Variants in CHST11 observed in about 807,000 individuals in gnomAD.
CHST11 encodes the protein C4S-1.
A neutral mutation model predicts 30.4 loss-of-function variants in CHST11; 9 were observed. The observed-to-expected ratio is 0.30, with a 90% confidence interval of 0.18 to 0.52. The LOEUF is 0.52. Among genes scored for constraint, CHST11 ranks in the 20% least tolerant of loss-of-function variants. The pLI, the probability that CHST11 is intolerant of heterozygous loss-of-function variation, is 0.97. For synonymous variants in CHST11, 152 were observed against 187.8 expected, an observed-to-expected ratio of 0.81 and a Z score of 1.56; for missense variants, 348 against 460.6, an observed-to-expected ratio of 0.76 and a Z score of 2.24.
At chr12:104,637,289 G>T (rs1431697985) in intron 2 of CHST11, among the ~76,000 whole-genome samples, 1 of 115,270 alleles carries the variant, frequency 8.7e-6, no homozygotes, top group Non-Finnish European at 1.7e-5. Flanking sequence ...TGGGCCATGG[G>T]AGTGAGACCC....
intron 2 of CHST11, among the ~76,000 whole-genome samples, chr12:104,653,810 G>A (rs1371500158): frequency 2.0e-5 from 3 of 152,196 alleles, no homozygotes; most frequent in African/African-American, 7.2e-5. Context: ...CATGTAGCAG[G>A]TAGTGGCAGA....
In CHST11 at chr12:104,710,454, T is replaced by A. The variant is rs76603871; in HGVS notation, c.205-46495T>A. Among the ~76,000 whole-genome samples, 690 of 152,140 alleles carry A rather than the reference T, an allele frequency of 4.5e-3. 7 individuals are homozygous for A. The highest frequency in any genetic ancestry group is 0.016 in the African/African-American group (646 of 41,482). Reference sequence around the variant, plus strand: ...AATAAGGCTTCATTCCCGCTTGCGGTTCCCAACTCATTCCTCAGCTCCTCT... The same window carrying A: ...AATAAGGCTTCATTCCCGCTTGCGGATCCCAACTCATTCCTCAGCTCCTCT... On this transcript the variant is annotated intron_variant, in intron 2 of 2. Coordinates refer to ENST00000303694, the MANE Select transcript of CHST11 (RefSeq NM_018413.6).
At chr12:104,492,623 T>C (rs530326267) in intron 1 of CHST11, among the ~76,000 whole-genome samples, 60 of 152,322 alleles carry the variant, frequency 3.9e-4, no homozygotes, top group African/African-American at 1.4e-3. Context: ...AAGAATAGGA[T>C]CCCTTTTTAA....
Position 104,514,435 on chromosome 12 carries a change from T to C in CHST11, c.118+56906T>C, listed in dbSNP as rs12314344. ...GTTGCCTTCCTCATCCTCTTCACCATGTGAGACTCTGTGGGGGTCACCTGC... is the reference window on the plus strand; with the variant it reads ...GTTGCCTTCCTCATCCTCTTCACCACGTGAGACTCTGTGGGGGTCACCTGC... On this transcript the variant is annotated intron_variant, in intron 1 of 2. Transcript: ENST00000303694. The C allele has an allele frequency of 7.4e-3, 6,561 of 882,276 alleles. 291 individuals are homozygous for C. In the African/African-American group the frequency reaches 0.096, roughly 13 times the overall value. 54.7% of individuals were successfully genotyped at this position (882,276 alleles called of 1,614,324 possible).
intron 2 of CHST11, among the ~76,000 whole-genome samples, chr12:104,725,496 T>A (rs2040209930): frequency 6.6e-6 from 1 of 152,024 alleles, no homozygotes; most frequent in Non-Finnish European, 1.5e-5. Flanking sequence ...GTGTACATGA[T>A]ACCTCAATAA....
At chr12:104,514,575 G>T in intron 1 of CHST11, 1 of 419,554 alleles carries the variant, frequency 2.4e-6, no homozygotes, top group Non-Finnish European at 4.4e-6. Flanking sequence ...TCACGGTTCT[G>T]CAGGCTGTAC....
At position 104,760,536 on chromosome 12, in the gene CHST11, G is replaced by A. The variant is rs561788025; in HGVS notation, c.*2733G>A. On this transcript the variant is annotated 3_prime_UTR_variant, in exon 3 of 3. Transcript: ENST00000303694. ...TGATGAGTGCTTCTTCAGTTTCATA[G>A]TTTGGAATCGTTCACTGTGTGCTTT... 6.6e-6 allele frequency: 1 copy of A among 152,362 alleles called. No individual in the cohort carries two copies. The highest frequency in any genetic ancestry group is 1.9e-4 in the East Asian group (1 of 5,186). 9.4% of individuals were successfully genotyped at this position (152,362 alleles called of 1,614,324 possible). A position where few individuals can be genotyped will look rare whatever the true frequency, so the allele number is the denominator to read the frequency against.
chr12:104,651,974 T>C (rs1354662365), intron 2 of CHST11, among the ~76,000 whole-genome samples: 1 of 152,228 alleles, frequency 6.6e-6, no homozygotes, highest in Non-Finnish European at 1.5e-5. Context: ...CCACAGCCCC[T>C]GACTTCTGCA....
chr12:104,711,845 A>G (rs1014603596), intron 2 of CHST11, among the ~76,000 whole-genome samples: 4 of 152,192 alleles, frequency 2.6e-5, no homozygotes, highest in Non-Finnish European at 5.9e-5. Flanking sequence ...GTCTCATTCC[A>G]ACAAGGAGAA....
At chr12:104,465,026 G>A (rs529202281) in intron 1 of CHST11, among the ~76,000 whole-genome samples, 3 of 152,210 alleles carry the variant, frequency 2.0e-5, no homozygotes, top group African/African-American at 4.8e-5. Flanking sequence ...GCCCTTTAAC[G>A]AGCAACTGTT....
chr12:104,485,853 C>T (rs1174624561), intron 1 of CHST11, among the ~76,000 whole-genome samples: 1 of 152,224 alleles, frequency 6.6e-6, no homozygotes, highest in Non-Finnish European at 1.5e-5. Context: ...CCACCTGCCT[C>T]CTCCCTTCAG....
chr12:104,627,568 G>T (rs957094358), intron 2 of CHST11, among the ~76,000 whole-genome samples: 4 of 152,172 alleles, frequency 2.6e-5, no homozygotes, highest in Admixed American at 6.5e-5. Context: ...CAGGTTCAGA[G>T]CCCCCAGCAA....
intron 2 of CHST11, among the ~76,000 whole-genome samples, chr12:104,619,125 C>T (rs1332291511): frequency 1.3e-5 from 2 of 152,184 alleles, no homozygotes; most frequent in Middle Eastern, 3.2e-3. Flanking sequence ...CCTGAAAGCC[C>T]CCATCCTAGC....
At chr12:104,531,299 G>A (rs1374277710) in intron 1 of CHST11, among the ~76,000 whole-genome samples, 1 of 151,974 alleles carries the variant, frequency 6.6e-6, no homozygotes, top group Non-Finnish European at 1.5e-5. Flanking sequence ...GACCAGCCTG[G>A]GCAACATAGT....
At chr12:104,516,467 C>T (rs372325347) in intron 1 of CHST11, among the ~76,000 whole-genome samples, 9 of 152,172 alleles carry the variant, frequency 5.9e-5, no homozygotes, top group African/African-American at 2.2e-4. Flanking sequence ...GTCATCATCC[C>T]TTATGTGAAG....
intron 1 of CHST11, among the ~76,000 whole-genome samples, chr12:104,515,361 C>T (rs965245776): frequency 2.0e-5 from 3 of 152,136 alleles, no homozygotes; most frequent in African/African-American, 7.2e-5. Flanking sequence ...TGTGCCAGCC[C>T]CTGATGTAGG....
chr12:104,585,980 C>T (rs1286501947), intron 1 of CHST11, among the ~76,000 whole-genome samples: 1 of 152,170 alleles, frequency 6.6e-6, no homozygotes, highest in Non-Finnish European at 1.5e-5. Flanking sequence ...AGTCTGACCT[C>T]ACTTAATTTA....
chr12:104,571,226 C>T (rs988193209), intron 1 of CHST11, among the ~76,000 whole-genome samples: 5 of 151,398 alleles, frequency 3.3e-5, no homozygotes, highest in African/African-American at 9.7e-5. Context: ...TGCAATGGCC[C>T]GATCTCAGCT....
chr12:104,643,425 C>T (rs1404698856), intron 2 of CHST11, among the ~76,000 whole-genome samples: 1 of 152,172 alleles, frequency 6.6e-6, no homozygotes, highest in Non-Finnish European at 1.5e-5. Context: ...TTAGATACGT[C>T]AGATGCAGAG....
Sources: gnomAD v4.1 joint callset for allele counts (sites outside exome capture counted in the v4.1 genomes callset) on GRCh38, gnomAD v4.1.1 for gene constraint, MANE v1.5 for transcripts, NCBI Gene and HGNC (gene_info 2026-07-23, HGNC 2026-07-21) for gene names.